TANGO6: variants seen among roughly 807,000 people sequenced by gnomAD.
TANGO6 encodes the protein transport and Golgi organization protein 6 homolog.
Under a neutral mutation model 114.2 loss-of-function variants are expected in TANGO6, and 90 were observed. The ratio of observed to expected loss-of-function variants is 0.79; its 90% CI spans 0.66 to 0.94. The LOEUF (loss-of-function observed/expected upper bound fraction) is 0.94, where lower values mean the gene tolerates loss of function less well. Among genes scored for constraint, TANGO6 ranks in the 40% least tolerant of loss-of-function variants. The probability of loss-of-function intolerance (pLI) is 0.00; values close to 1 mark genes in which losing one functional copy is unlikely to be tolerated. For synonymous variants in TANGO6, 477 were observed against 509.8 expected (o/e 0.94, Z 0.87); for missense variants, 1,274 against 1,315.3 (o/e 0.97, Z 0.49).
intron 7 of TANGO6, among the ~76,000 whole-genome samples, chr16:68,891,030 A>G (rs935342875): frequency 1.0e-4 from 15 of 145,466 alleles, no homozygotes; most frequent in African/African-American, 2.1e-4. Flanking sequence ...ATCTCAAAAA[A>G]AAAAGAAAAA....
chr16:69,081,410 C>G (rs1048608378), intron 17 of TANGO6, among the ~76,000 whole-genome samples: 7 of 151,806 alleles, frequency 4.6e-5, no homozygotes, highest in Non-Finnish European at 8.8e-5. Context: ...GAGTCTCACT[C>G]TGTTGCCCAG....
intron 12 of TANGO6, among the ~76,000 whole-genome samples, chr16:68,925,242 G>A (rs1239008180): frequency 1.3e-5 from 2 of 152,086 alleles, no homozygotes; most frequent in African/African-American, 2.4e-5. Context: ...CCTGGGAGGT[G>A]GAGGTTGCAG....
intron 17 of TANGO6, among the ~76,000 whole-genome samples, chr16:69,045,610 G>A (rs1959844277): frequency 6.7e-6 from 1 of 149,880 alleles, no homozygotes; most frequent in Non-Finnish European, 1.5e-5. Context: ...GGGTGTGGTG[G>A]TAGGCGCCTG....
intron 17 of TANGO6, among the ~76,000 whole-genome samples, chr16:69,082,016 C>T (rs1567572732): frequency 6.6e-6 from 1 of 151,832 alleles, no homozygotes; most frequent in Non-Finnish European, 1.5e-5. Flanking sequence ...GCTCTGTCAC[C>T]CAGGCTGGAG....
At chr16:69,035,954 A>T (rs1281465874) in intron 16 of TANGO6, 4 of 152,002 alleles carry the variant, frequency 2.6e-5, no homozygotes, top group African/African-American at 9.7e-5. Context: ...CTGAGACAAG[A>T]ATCACTTGAA....
chr16:69,056,114 G>A (rs1047601746), intron 17 of TANGO6, among the ~76,000 whole-genome samples: 7 of 152,122 alleles, frequency 4.6e-5, no homozygotes, highest in South Asian at 2.1e-4. Context: ...GGATTGCTAA[G>A]TTATAAATGT....
At chr16:69,046,554 G>T (rs1197917635) in intron 17 of TANGO6, among the ~76,000 whole-genome samples, 1 of 152,018 alleles carries the variant, frequency 6.6e-6, no homozygotes, top group Non-Finnish European at 1.5e-5. Flanking sequence ...GACCTCAGGT[G>T]ATCTGCCCGC....
intron 1 of TANGO6, among the ~76,000 whole-genome samples, chr16:68,845,879 G>GT (rs1256191747): frequency 6.6e-6 from 1 of 151,638 alleles, no homozygotes; most frequent in Admixed American, 6.6e-5. Context: ...TTGAGACAGA[G>GT]TTTCACTCCA....
At chr16:69,007,614 T>C (rs903038130) in intron 15 of TANGO6, among the ~76,000 whole-genome samples, 5 of 152,164 alleles carry the variant, frequency 3.3e-5, no homozygotes, top group African/African-American at 1.2e-4. Flanking sequence ...ATATGTGAAT[T>C]TTGGGCTATT....
At chr16:68,900,671 A>G in intron 8 of TANGO6, 125 bp downstream of exon 8, 1 of 795,144 alleles carries the variant, frequency 1.3e-6, no homozygotes, top group Non-Finnish European at 2.0e-6. Flanking sequence ...AAGTCAGGAA[A>G]ACACTGGGAT....
intron 17 of TANGO6, among the ~76,000 whole-genome samples, chr16:69,075,455 AT>A (rs34374864): frequency 0.093 from 12,867 of 138,800 alleles, 546 homozygotes; most frequent in South Asian, 0.2. Context: ...TTCAACTTTT[AT>A]TTTTTTTTTT....
rs1050715457 is a variant in TANGO6, at chr16:69,071,184, A to G, written c.3109-12301A>G. ...TAAACATTATCAATCTATTCCCTTA[A>G]CCATAAACACCTAGAAGTTAGGAAT... On this transcript the variant is annotated intron_variant, in intron 17 of 17. Coordinates refer to ENST00000261778, the MANE Select transcript of TANGO6 (RefSeq NM_024562.2). Among the ~76,000 whole-genome samples the G allele has an allele frequency of 1.9e-4, 29 of 152,068 alleles. 1 individual carries two copies. Among genetic ancestry groups the G allele is most frequent in the Non-Finnish European group, 5.9e-5 (4 of 68,004 alleles).
chr16:69,021,201 C>T lies in TANGO6; in HGVS notation c.2843-1627C>T, dbSNP rs113907121. 1.4e-3 allele frequency among the ~76,000 whole-genome samples: 206 copies of T among 152,250 alleles called. No homozygotes were observed. The Middle Eastern group carries it at 0.014, about 10-fold the overall frequency. Reference sequence around the variant, plus strand: ...CAAGGCCCTTCATGATCTACCCCACCTTCCCATCCCTGCCCTTACTTCTCT... The same window carrying T: ...CAAGGCCCTTCATGATCTACCCCACTTTCCCATCCCTGCCCTTACTTCTCT... On this transcript the variant is annotated intron_variant, in intron 15 of 17. Coordinates refer to ENST00000261778, the MANE Select transcript of TANGO6 (RefSeq NM_024562.2).
At chr16:69,062,315 T>A (rs1383585948) in intron 17 of TANGO6, among the ~76,000 whole-genome samples, 1 of 152,126 alleles carries the variant, frequency 6.6e-6, no homozygotes, top group Non-Finnish European at 1.5e-5. Context: ...CCTCTCCTTT[T>A]GAAACCATGG....
chr16:68,846,754 C>T (rs1352588748), intron 1 of TANGO6: 1 of 157,058 alleles, frequency 6.4e-6, no homozygotes, highest in Non-Finnish European at 1.4e-5. Context: ...ATCCTCCCGC[C>T]TCGGCCTCCC....
At chr16:68,944,898 C>T (rs141365701) in intron 14 of TANGO6, among the ~76,000 whole-genome samples, 123 of 152,308 alleles carry the variant, frequency 8.1e-4, no homozygotes, top group African/African-American at 2.7e-3. Flanking sequence ...TGGCCGGGCA[C>T]GGTGGCTCAC....
chr16:68,980,430 TATA>T (rs1442181278), intron 15 of TANGO6, among the ~76,000 whole-genome samples: 5 of 102,618 alleles, frequency 4.9e-5, no homozygotes, highest in African/African-American at 1.2e-4. Flanking sequence ...TATATATATA[TATA>T]TATTTTTTTT....
intron 15 of TANGO6, among the ~76,000 whole-genome samples, chr16:68,994,720 G>A (rs1326698139): frequency 1.3e-5 from 2 of 151,100 alleles, no homozygotes; most frequent in Admixed American, 6.6e-5. Context: ...GACCATAGGC[G>A]CACACCACCA....
chr16:68,873,416 C>T (rs554711897), intron 4 of TANGO6, among the ~76,000 whole-genome samples: 8 of 152,248 alleles, frequency 5.3e-5, no homozygotes, highest in African/African-American at 1.7e-4. Flanking sequence ...CAGGTTCAAG[C>T]GATTGTCCTG....
Sources: gnomAD v4.1 joint callset for allele counts (sites outside exome capture counted in the v4.1 genomes callset) on GRCh38, gnomAD v4.1.1 for gene constraint, MANE v1.5 for transcripts, NCBI Gene and HGNC (gene_info 2026-07-23, HGNC 2026-07-21) for gene names.